PSD2: variants seen among roughly 807,000 people sequenced by gnomAD.
PSD2 encodes PH and SEC7 domain-containing protein 2.
Under a neutral mutation model 69.8 loss-of-function variants are expected in PSD2, and 38 were observed. The observed-to-expected ratio is 0.54, with a 90% CI of 0.42 to 0.71. The LOEUF (loss-of-function observed/expected upper bound fraction) is 0.71, where lower values mean the gene tolerates loss of function less well. Ranked by LOEUF, PSD2 falls within the 30% of genes least tolerant of loss-of-function variation. The pLI is 0.00. For missense variants in PSD2, 943 were observed against 1,014.5 expected (o/e 0.93, Z 0.96); for synonymous variants, 412 against 423.0 (o/e 0.97, Z 0.32).
chr5:139,828,267 G>A (rs1041233566), intron 7 of PSD2, among the ~76,000 whole-genome samples: 4 of 152,140 alleles, frequency 2.6e-5, no homozygotes, highest in Admixed American at 2.6e-4. Flanking sequence ...GAACCACCAG[G>A]GTTGAGGCAA....
chr5:139,777,728 C>G, the PSD2 span, among the ~76,000 whole-genome samples: 5 of 151,914 alleles, frequency 3.3e-5, no homozygotes, highest in Admixed American at 1.3e-4. Context: ...TACAAAAATA[C>G]AAAAATTAGC....
At chr5:139,766,993 CT>C in the PSD2 span, among the ~76,000 whole-genome samples, 1 of 138,036 alleles carries the variant, frequency 7.2e-6, no homozygotes, top group Non-Finnish European at 1.6e-5. Flanking sequence ...TTCTTTCTTT[CT>C]TTCCTTCTTT....
chr5:139,838,818 T>C, intron 13 of PSD2, 46 bp downstream of exon 13: 1 of 1,589,326 alleles, frequency 6.3e-7, no homozygotes, highest in Non-Finnish European at 8.6e-7. Flanking sequence ...GCTGCCATCC[T>C]CAGCCCAGGC....
At chr5:139,766,925 CTT>C in the PSD2 span, among the ~76,000 whole-genome samples, 32 of 25,702 alleles carry the variant, frequency 1.2e-3, 1 homozygote, top group African/African-American at 4.6e-3. Context: ...TCCTTCCTTC[CTT>C]CCCTTCTTTC....
chr5:139,839,737 ACTGT>A lies in PSD2; in HGVS notation c.1969-287_1969-284del, dbSNP rs765803874. On this transcript the variant is annotated intron_variant, in intron 13 of 14. Coordinates refer to ENST00000274710, the MANE Select transcript of PSD2 (RefSeq NM_032289.4). The surrounding 1 kb of genome is among the most constrained non-coding windows in gnomAD (Gnocchi z 5.1). ...GGGTCATTGTGTGTCTGTGTCAGGG[ACTGT>A]CTATGTGCACATATAAGTGTGAGCA... Among the ~76,000 whole-genome samples, 3 of 152,108 alleles carry A rather than the reference ACTGT, an allele frequency of 2.0e-5. No homozygotes were observed. Among genetic ancestry groups the A allele is most frequent in the East Asian group, 3.9e-4 (2 of 5,184 alleles).
the PSD2 span, among the ~76,000 whole-genome samples, chr5:139,770,726 C>G: frequency 6.6e-6 from 1 of 152,140 alleles, no homozygotes; most frequent in Admixed American, 6.5e-5. Context: ...TCCTTTCAGC[C>G]CCTCCTCACA....
chr5:139,796,005 G>A (rs1225119416), intron 1 of PSD2, 30 bp downstream of exon 1: 1 of 150,684 alleles, frequency 6.6e-6, no homozygotes, highest in Non-Finnish European at 1.5e-5. Context: ...TCCGGGACCC[G>A]CCCCTCCCCG....
At chr5:139,756,304 T>C in the PSD2 span, among the ~76,000 whole-genome samples, 1 of 151,914 alleles carries the variant, frequency 6.6e-6, no homozygotes, top group Non-Finnish European at 1.5e-5. Flanking sequence ...GCCAATCAGG[T>C]TGGGGCGCAG....
At chr5:139,787,175 T>TG in the PSD2 span, among the ~76,000 whole-genome samples, 1 of 152,180 alleles carries the variant, frequency 6.6e-6, no homozygotes, top group Non-Finnish European at 1.5e-5. Flanking sequence ...CAGATTGCCT[T>TG]GGCCTTGTCC....
chr5:139,752,112 G>A, the PSD2 span, among the ~76,000 whole-genome samples: 2 of 152,008 alleles, frequency 1.3e-5, no homozygotes, highest in African/African-American at 4.8e-5. Flanking sequence ...TCTTGACTCA[G>A]TGGTGGAGGT....
the PSD2 span, among the ~76,000 whole-genome samples, chr5:139,747,766 C>T: frequency 1.3e-5 from 2 of 152,226 alleles, no homozygotes; most frequent in African/African-American, 4.8e-5. This position sits in a 1 kb window ranked among gnomAD's most constrained non-coding sequence, Gnocchi z 6.7. Flanking sequence ...GCTTCCAGCG[C>T]TGGCCCCACC....
intron 5 of PSD2, among the ~76,000 whole-genome samples, chr5:139,821,188 C>T (rs907182298): frequency 6.6e-6 from 1 of 152,212 alleles, no homozygotes; most frequent in East Asian, 1.9e-4. Flanking sequence ...CCAACTCGGC[C>T]TCCCAAAATG....
chr5:139,807,366 C>T (rs1334239894), intron 1 of PSD2, among the ~76,000 whole-genome samples: 1 of 151,486 alleles, frequency 6.6e-6, no homozygotes, highest in African/African-American at 2.4e-5. Context: ...CCTCCCCCCG[C>T]TCAGGAGTCT....
intron 1 of PSD2, among the ~76,000 whole-genome samples, chr5:139,807,518 G>C (rs949774777): frequency 6.6e-6 from 1 of 152,138 alleles, no homozygotes; most frequent in African/African-American, 2.4e-5. Context: ...AGAGGTCTCC[G>C]ATGTCCTAGG....
the PSD2 span, among the ~76,000 whole-genome samples, chr5:139,748,881 T>C: frequency 9.6e-4 from 144 of 150,398 alleles, no homozygotes; most frequent in African/African-American, 3.3e-3. Context: ...AGCAGTCACC[T>C]GATTTCTAGG....
chr5:139,814,447 A>G lies in PSD2; in HGVS notation c.1016+83A>G. On this transcript the variant is annotated intron_variant, in intron 4 of 14. Transcript: ENST00000274710. This position sits in a 1 kb window ranked among gnomAD's most constrained non-coding sequence, Gnocchi z 4.4. ...GAAGAGGGTGTGGGTGACCTTCTTC[A>G]GGGGTGCCAGGTGCTGGGGGGGCAC... 7.7e-7 allele frequency: 1 copy of G among 1,299,746 alleles called. No individual in the cohort carries two copies. Among genetic ancestry groups the G allele is most frequent in the Non-Finnish European group, 1.0e-6 (1 of 971,436 alleles). The allele number at this position is 1,299,746 out of a possible 1,614,324, so 80.5% of individuals were successfully genotyped here.
At chr5:139,784,570 T>A in the PSD2 span, among the ~76,000 whole-genome samples, 3 of 152,186 alleles carry the variant, frequency 2.0e-5, no homozygotes, top group Non-Finnish European at 4.4e-5. Flanking sequence ...GTCCTCATCA[T>A]GGCCTACAAC....
At chr5:139,819,598 C>T (rs964092307) in intron 5 of PSD2, among the ~76,000 whole-genome samples, 2 of 152,154 alleles carry the variant, frequency 1.3e-5, no homozygotes, top group Admixed American at 6.5e-5. Context: ...AGCAATGCCC[C>T]CAGGGAAAAA....
At chr5:139,810,509 G>A (rs1437642298) in intron 2 of PSD2, among the ~76,000 whole-genome samples, 6 of 152,206 alleles carry the variant, frequency 3.9e-5, no homozygotes, top group Non-Finnish European at 7.3e-5. Flanking sequence ...GTGAGTGTGC[G>A]TGGGGGCATG....
Sources: allele counts gnomAD v4.1 joint callset (sites outside exome capture counted in the v4.1 genomes callset), GRCh38; gene constraint gnomAD v4.1.1; non-coding constraint Gnocchi (gnomAD v3.1); transcripts MANE v1.5; gene names NCBI Gene and HGNC (gene_info 2026-07-23, HGNC 2026-07-21).